The following VWC2L variants were observed in gnomAD, a reference collection of about 807,000 sequenced individuals.
VWC2L encodes von Willebrand factor C domain-containing protein 2-like.
A neutral mutation model predicts 21.6 loss-of-function variants in VWC2L; 10 were observed. The ratio of observed to expected loss-of-function variants is 0.46; its 90% CI spans 0.29 to 0.78. VWC2L has a LOEUF of 0.78. Ranked by LOEUF, VWC2L falls within the 30% of genes least tolerant of loss-of-function variation. The pLI, the probability that VWC2L is intolerant of heterozygous loss-of-function variation, is 0.10. For missense variants in VWC2L, 209 were observed against 277.1 expected (o/e 0.75, Z 1.74); for synonymous variants, 96 against 94.3 (o/e 1.02, Z -0.10).
intron 3 of VWC2L, among the ~76,000 whole-genome samples, chr2:214,490,381 G>A (rs1189148255): frequency 4.6e-5 from 7 of 151,498 alleles, no homozygotes; most frequent in Non-Finnish European, 1.0e-4. Flanking sequence ...GACTGATTCA[G>A]TGTAGATCAT....
intron 3 of VWC2L, among the ~76,000 whole-genome samples, chr2:214,453,060 C>T (rs562893831): frequency 1.1e-4 from 17 of 152,184 alleles, no homozygotes; most frequent in Non-Finnish European, 1.8e-4. Flanking sequence ...TTTGGGAGAG[C>T]GGTTTTTAAT....
intron 3 of VWC2L, among the ~76,000 whole-genome samples, chr2:214,529,469 C>T (rs1689397721): frequency 6.6e-6 from 1 of 152,134 alleles, no homozygotes; most frequent in Non-Finnish European, 1.5e-5. Flanking sequence ...ACTACGGAAA[C>T]TCAATGACCA....
intron 3 of VWC2L, among the ~76,000 whole-genome samples, chr2:214,456,508 A>G (rs945485678): frequency 6.6e-6 from 1 of 152,138 alleles, no homozygotes; most frequent in Non-Finnish European, 1.5e-5. Context: ...ACTTTCTCCC[A>G]TTCAACTTAC....
chr2:214,549,601 T>C (rs1175421059), intron 3 of VWC2L, among the ~76,000 whole-genome samples: 2 of 152,138 alleles, frequency 1.3e-5, no homozygotes, highest in African/African-American at 2.4e-5. Context: ...GGTGAAACCA[T>C]GTCTCTACTG....
At chr2:214,492,994 T>C (rs775762167) in intron 3 of VWC2L, among the ~76,000 whole-genome samples, 11 of 152,148 alleles carry the variant, frequency 7.2e-5, no homozygotes, top group Admixed American at 6.5e-5. Context: ...TGCAGGGAAA[T>C]AGAATTGATT....
At chr2:214,517,068 C>T (rs1319451689) in intron 3 of VWC2L, among the ~76,000 whole-genome samples, 2 of 152,192 alleles carry the variant, frequency 1.3e-5, no homozygotes, top group Non-Finnish European at 2.9e-5. Flanking sequence ...TTATTCCCTG[C>T]CACTCAAATG....
chr2:214,413,333 C>T (rs898295304), intron 1 of VWC2L, among the ~76,000 whole-genome samples: 3 of 151,700 alleles, frequency 2.0e-5, no homozygotes, highest in African/African-American at 7.3e-5. Context: ...TAGATCTTTC[C>T]TGCCCACTAG....
intron 3 of VWC2L, among the ~76,000 whole-genome samples, chr2:214,468,230 T>C (rs943788135): frequency 6.6e-6 from 1 of 152,184 alleles, no homozygotes; most frequent in Non-Finnish European, 1.5e-5. Flanking sequence ...TTGGCCAAGC[T>C]GGTCTCGAAC....
intron 2 of VWC2L, among the ~76,000 whole-genome samples, chr2:214,430,702 A>T (rs1702588410): frequency 6.6e-6 from 1 of 152,178 alleles, no homozygotes; most frequent in African/African-American, 2.4e-5. Context: ...GAAAAAATAT[A>T]CTCCAGAATG....
At chr2:214,534,353 C>A (rs1689490608) in intron 3 of VWC2L, among the ~76,000 whole-genome samples, 1 of 152,078 alleles carries the variant, frequency 6.6e-6, no homozygotes, top group South Asian at 2.1e-4. Flanking sequence ...TATTGCATTT[C>A]TTTGGTTTCC....
At chr2:214,516,403 A>G (rs1424091516) in intron 3 of VWC2L, among the ~76,000 whole-genome samples, 1 of 152,118 alleles carries the variant, frequency 6.6e-6, no homozygotes, top group Admixed American at 6.5e-5. Flanking sequence ...CAAGACCACA[A>G]TGAATCTTGT....
chr2:214,522,872 A>G (rs1689266487), intron 3 of VWC2L, among the ~76,000 whole-genome samples: 1 of 151,584 alleles, frequency 6.6e-6, no homozygotes, highest in Non-Finnish European at 1.5e-5. Context: ...AGAACACAAT[A>G]CACAGAACAA....
Position 214,575,815 on chromosome 2 carries a change from G to A in VWC2L, c.664G>A (p.Val222Met). 1.9e-6 allele frequency: 3 copies of A among 1,612,420 alleles called. No individual in the cohort carries two copies. Among genetic ancestry groups the A allele is most frequent in the Non-Finnish European group, 2.5e-6 (3 of 1,178,710 alleles). The change falls in exon 4 of 4, where the codon GTG (valine) becomes ATG (methionine). Residue 222 changes from valine to methionine, a missense_variant. Transcript: ENST00000312504. Reference sequence around the variant, plus strand: ...ACGTGAATGCCAAGGCAAGCAGACTGTGTAGGACAAACTTCCACCCAATGA... The same window carrying A: ...ACGTGAATGCCAAGGCAAGCAGACTATGTAGGACAAACTTCCACCCAATGA... ...SKRECQGKQTV is the reference protein window; with the variant it reads ...SKRECQGKQTM
At chr2:214,528,927 A>G (rs1689387482) in intron 3 of VWC2L, among the ~76,000 whole-genome samples, 1 of 152,214 alleles carries the variant, frequency 6.6e-6, no homozygotes, top group African/African-American at 2.4e-5. Flanking sequence ...ATCCTATTTC[A>G]CTTCCACTAT....
At chr2:214,537,289 T>G (rs553183563) in intron 3 of VWC2L, among the ~76,000 whole-genome samples, 1 of 152,196 alleles carries the variant, frequency 6.6e-6, no homozygotes, top group East Asian at 1.9e-4. Flanking sequence ...ATACCACATT[T>G]TCTCGATCCA....
intron 3 of VWC2L, among the ~76,000 whole-genome samples, chr2:214,482,113 A>T (rs1427344226): frequency 6.6e-6 from 1 of 152,234 alleles, no homozygotes; most frequent in Non-Finnish European, 1.5e-5. Flanking sequence ...ATGCAGCCAC[A>T]CTAAACATGG....
intron 3 of VWC2L, among the ~76,000 whole-genome samples, chr2:214,469,672 G>T (rs1299423281): frequency 6.6e-6 from 1 of 152,080 alleles, no homozygotes; most frequent in East Asian, 1.9e-4. Context: ...TCTCTGTATT[G>T]CCTTAGAGAT....
chr2:214,575,535 C>A, intron 3 of VWC2L, 137 bp from the exon 4 acceptor site: 1 of 878,342 alleles, frequency 1.1e-6, no homozygotes, highest in Non-Finnish European at 1.7e-6. Context: ...AAGGAGATGG[C>A]TAGAAAATTC....
At chr2:214,423,866 C>T (rs1431764333) in intron 2 of VWC2L, among the ~76,000 whole-genome samples, 1 of 151,982 alleles carries the variant, frequency 6.6e-6, no homozygotes, top group Non-Finnish European at 1.5e-5. Flanking sequence ...ATTAGCTGTG[C>T]TTTCTCATGT....
Sources: allele counts gnomAD v4.1 joint callset (sites outside exome capture counted in the v4.1 genomes callset), GRCh38; gene constraint gnomAD v4.1.1; transcripts MANE v1.5; gene names NCBI Gene and HGNC (gene_info 2026-07-23, HGNC 2026-07-21).